The following RMDN2 variants were observed in gnomAD, a reference collection of about 807,000 sequenced individuals.
The protein encoded by RMDN2 is regulator of microtubule dynamics 2, also known as regulator of microtubule dynamics protein 2.
Under a neutral mutation model 52.8 loss-of-function variants are expected in RMDN2, and 61 were observed. The observed-to-expected ratio is 1.16, with a 90% confidence interval of 0.94 to 1.43. RMDN2 has a LOEUF of 1.43. Among genes scored for constraint, RMDN2 ranks in the 40% most tolerant of loss-of-function variants. The probability of loss-of-function intolerance (pLI) is 0.00; values close to 1 mark genes in which losing one functional copy is unlikely to be tolerated. For synonymous variants in RMDN2, 180 were observed against 153.1 expected (o/e 1.18, Z -1.30); for missense variants, 592 against 475.3 (o/e 1.25, Z -2.28).
At chr2:37,960,830 G>T (rs1467798909) in intron 2 of RMDN2, among the ~76,000 whole-genome samples, 8 of 152,108 alleles carry the variant, frequency 5.3e-5, no homozygotes, top group Non-Finnish European at 1.2e-4. Context: ...GCTGGTACTG[G>T]TTTTTCCTTT....
At chr2:38,003,604 G>GATAGATAGATAGGCAGGCAGA (rs1306774545) in intron 8 of RMDN2, among the ~76,000 whole-genome samples, 1 of 103,168 alleles carries the variant, frequency 9.7e-6, no homozygotes, top group Non-Finnish European at 2.2e-5. Context: ...AGATAGATAG[G>GATAGATAGATAGGCAGGCAGA]CAGACAGACA....
chr2:38,066,602 A>C (rs527423081), intron 10 of RMDN2, among the ~76,000 whole-genome samples: 4 of 152,196 alleles, frequency 2.6e-5, no homozygotes, highest in Admixed American at 6.5e-5. Flanking sequence ...GAGGTTGAAG[A>C]AACAACCTCT....
At chr2:38,055,345 C>T (rs1026525706) in intron 10 of RMDN2, among the ~76,000 whole-genome samples, 1 of 152,052 alleles carries the variant, frequency 6.6e-6, no homozygotes, top group Non-Finnish European at 1.5e-5. Context: ...GTAGCCTTTG[C>T]AGCCTGCCTC....
intron 2 of RMDN2, among the ~76,000 whole-genome samples, chr2:37,951,038 A>C (rs918147590): frequency 1.3e-5 from 2 of 152,002 alleles, no homozygotes; most frequent in Non-Finnish European, 2.9e-5. Flanking sequence ...AGACTCCCGC[A>C]TTCTTTTGGG....
chr2:37,998,712 A>G (rs1277728733), intron 8 of RMDN2, among the ~76,000 whole-genome samples: 1 of 152,180 alleles, frequency 6.6e-6, no homozygotes, highest in South Asian at 2.1e-4. Context: ...ATCAAGCACA[A>G]GCCCAGCAGA....
At chr2:37,989,503 C>T (rs781225401) in intron 5 of RMDN2, 38 bp from the exon 6 acceptor site, 6 of 1,385,950 alleles carry the variant, frequency 4.3e-6, no homozygotes, top group Admixed American at 1.9e-5. Flanking sequence ...AAAATTTACA[C>T]AGTGGCCACT....
intron 7 of RMDN2, among the ~76,000 whole-genome samples, chr2:37,995,542 T>C (rs1372867694): frequency 6.6e-6 from 1 of 152,196 alleles, no homozygotes; most frequent in Non-Finnish European, 1.5e-5. Context: ...AGATCAACCA[T>C]ATACTGGTAT....
intron 2 of RMDN2, among the ~76,000 whole-genome samples, chr2:37,954,144 G>T (rs1291236082): frequency 6.6e-6 from 1 of 151,800 alleles, no homozygotes; most frequent in Non-Finnish European, 1.5e-5. Context: ...CCCAATGTGT[G>T]GGTTGCCTTT....
intron 2 of RMDN2, among the ~76,000 whole-genome samples, chr2:37,959,656 C>T (rs1457336272): frequency 6.6e-6 from 1 of 150,934 alleles, no homozygotes; most frequent in African/African-American, 2.5e-5. Context: ...CCCTTCAGTT[C>T]TGCTCAGATC....
intron 10 of RMDN2, among the ~76,000 whole-genome samples, chr2:38,044,781 A>T (rs1048301780): frequency 6.6e-6 from 1 of 152,012 alleles, no homozygotes; most frequent in African/African-American, 2.4e-5. Flanking sequence ...TATATTACCC[A>T]CCTATTCTTG....
At chr2:37,984,659 T>C (rs1444151447) in intron 5 of RMDN2, among the ~76,000 whole-genome samples, 1 of 152,184 alleles carries the variant, frequency 6.6e-6, no homozygotes, top group Non-Finnish European at 1.5e-5. Context: ...GGGAAATTAA[T>C]GGAGTTGTTT....
intron 2 of RMDN2, chr2:37,950,591 T>TTTTC (rs1365165830): frequency 6.2e-7 from 1 of 1,613,186 alleles, no homozygotes; most frequent in African/African-American, 1.3e-5. Flanking sequence ...GGGAAAGTGC[T>TTTTC]TAAGGTAAGC....
intron 2 of RMDN2, among the ~76,000 whole-genome samples, chr2:37,956,263 C>T (rs540183129): frequency 1.3e-5 from 2 of 152,078 alleles, no homozygotes; most frequent in African/African-American, 4.8e-5. Context: ...CTATTTATTC[C>T]TGATTCAGAC....
At chr2:38,007,310 A>C (rs1285411677) in intron 10 of RMDN2, among the ~76,000 whole-genome samples, 1 of 152,172 alleles carries the variant, frequency 6.6e-6, no homozygotes, top group Non-Finnish European at 1.5e-5. Flanking sequence ...CTCTGGTAGA[A>C]TTTGGCTGTG....
At chr2:38,012,045 C>G (rs1678072051) in intron 10 of RMDN2, among the ~76,000 whole-genome samples, 2 of 152,186 alleles carry the variant, frequency 1.3e-5, no homozygotes, top group Non-Finnish European at 2.9e-5. Context: ...TTTAGCATGT[C>G]TTTCAAGGCT....
chr2:37,966,936 T>G (rs1216395157), intron 2 of RMDN2, among the ~76,000 whole-genome samples: 1 of 152,208 alleles, frequency 6.6e-6, no homozygotes, highest in Non-Finnish European at 1.5e-5. Flanking sequence ...TGCATTTTAC[T>G]AAAATTGAAG....
At chr2:37,951,811 TTGGGAACACTA>T (rs1333851248) in intron 2 of RMDN2, 22 of 1,613,688 alleles carry the variant, frequency 1.4e-5, no homozygotes, top group Non-Finnish European at 1.9e-5. Context: ...TCTCCAGCCT[TTGGGAACACTA>T]TTGATACAGC....
At chr2:37,983,923 A>G (rs1045899110) in intron 5 of RMDN2, among the ~76,000 whole-genome samples, 42 of 152,178 alleles carry the variant, frequency 2.8e-4, no homozygotes, top group African/African-American at 9.2e-4. Context: ...ACAGCCACAC[A>G]CAGGCATTTT....
intron 2 of RMDN2, among the ~76,000 whole-genome samples, chr2:37,946,301 G>GC (rs1267030366): frequency 6.6e-6 from 1 of 152,094 alleles, no homozygotes; most frequent in Non-Finnish European, 1.5e-5. Flanking sequence ...TATAACTTTA[G>GC]TTTTTTTCAG....
Sources: gnomAD v4.1 joint callset for allele counts (sites outside exome capture counted in the v4.1 genomes callset) on GRCh38, gnomAD v4.1.1 for gene constraint, MANE v1.5 for transcripts, NCBI Gene and HGNC (gene_info 2026-07-23, HGNC 2026-07-21) for gene names.